The following PCM1 variants were observed in gnomAD, a reference collection of about 807,000 sequenced individuals.
PCM1 encodes pericentriolar material 1, also known as pericentriolar material 1 protein.
PCM1 carries 157 observed loss-of-function variants against 241.9 expected under a neutral mutation model. That is an observed-to-expected ratio of 0.65 (90% CI 0.57 to 0.74). PCM1 has a LOEUF of 0.74. PCM1 is among the 30% of genes least tolerant of loss of function. The pLI is 0.00. For synonymous variants in PCM1, 1,085 were observed against 784.9 expected (o/e 1.38, Z -6.39); for missense variants, 3,478 against 2,360.1 (o/e 1.47, Z -9.81).
In PCM1 at chr8:18,005,449, A is replaced by C. The variant is rs563970410; in HGVS notation, c.4828-814A>C. ...GGGGACCTTGAACATCTAGTTTGGC[A>C]CCCTCATTTTATAGATATGTATTGG... On this transcript the variant is annotated intron_variant, in intron 29 of 38. Coordinates refer to ENST00000325083, the MANE Select transcript of PCM1 (RefSeq NM_006197.4). Among the ~76,000 whole-genome samples, 3 of 150,952 alleles carry C rather than the reference A, an allele frequency of 2.0e-5. No homozygotes were observed. The East Asian group carries it at 5.9e-4, about 29-fold the overall frequency.
intron 2 of PCM1, among the ~76,000 whole-genome samples, chr8:17,928,929 A>C (rs1272983117): frequency 6.6e-6 from 1 of 151,992 alleles, no homozygotes; most frequent in Non-Finnish European, 1.5e-5. Flanking sequence ...ACCGCACCCG[A>C]CCAGTATCTC....
Position 17,960,464 on chromosome 8 carries a change from C to T in PCM1, c.2322+20C>T, listed in dbSNP as rs758566798. ...TTACAGGTAATTATGAAATTTATTT[C>T]TAATTGTCTGAAAAAAGATGTTTAA... On this transcript the variant is annotated intron_variant, in intron 15 of 38. Transcript: ENST00000325083. 1.3e-6 allele frequency: 2 copies of T among 1,553,336 alleles called. No homozygotes were observed. The highest frequency in any genetic ancestry group is 2.3e-5 in the East Asian group (1 of 42,940).
intron 2 of PCM1, chr8:17,927,174 T>C (rs2057328695): frequency 2.7e-5 from 4 of 150,252 alleles, no homozygotes; most frequent in South Asian, 2.1e-4. Context: ...TTGTCCAGGC[T>C]GGAGTGCAGT....
At chr8:17,961,650 A>T (rs2072208869) in intron 15 of PCM1, among the ~76,000 whole-genome samples, 1 of 152,164 alleles carries the variant, frequency 6.6e-6, no homozygotes, top group South Asian at 2.1e-4. Flanking sequence ...GTGTTTTCAA[A>T]GAAAGGAAAA....
intron 6 of PCM1, among the ~76,000 whole-genome samples, chr8:17,941,267 G>C (rs1457284463): frequency 6.6e-6 from 1 of 152,138 alleles, no homozygotes; most frequent in Non-Finnish European, 1.5e-5. Flanking sequence ...GGAGGAGTGG[G>C]AACTTGTATA....
chr8:17,998,398 C>CT (rs2087804973), intron 29 of PCM1, among the ~76,000 whole-genome samples: 1 of 152,122 alleles, frequency 6.6e-6, no homozygotes, highest in Non-Finnish European at 1.5e-5. Flanking sequence ...AAACACTGTG[C>CT]TTTTTGCAGA....
rs749750019 is a variant in PCM1, at chr8:17,952,914, A to G, written c.1072-56A>G. The G allele has an allele frequency of 4.6e-5, 46 of 999,398 alleles. 1 individual carries two copies. Among genetic ancestry groups the G allele is most frequent in the Non-Finnish European group, 6.1e-5 (42 of 687,616 alleles). The allele number at this position is 999,398 out of a possible 1,614,324, so 61.9% of individuals were successfully genotyped here. On this transcript the variant is annotated intron_variant, in intron 8 of 38. Coordinates refer to ENST00000325083, the MANE Select transcript of PCM1 (RefSeq NM_006197.4). ...ATATTTATGCATTTAAAAAATGAGA[A>G]TGCATTTAATTGCGTTAGTCTTAAT...
intron 8 of PCM1, among the ~76,000 whole-genome samples, chr8:17,951,618 A>G (rs921606929): frequency 1.3e-5 from 2 of 152,222 alleles, no homozygotes; most frequent in Admixed American, 1.3e-4. Flanking sequence ...TTCAAGTTTA[A>G]GAAGGATCCC....
chr8:17,937,477 G>T, intron 4 of PCM1, 98 bp downstream of exon 4: 1 of 1,157,694 alleles, frequency 8.6e-7, no homozygotes, highest in East Asian at 2.7e-5. Flanking sequence ...AGCTGTTTAT[G>T]TAATTTTTAA....
chr8:17,944,017 A>C (rs556623774), intron 6 of PCM1, among the ~76,000 whole-genome samples: 1 of 152,322 alleles, frequency 6.6e-6, no homozygotes, highest in South Asian at 2.1e-4. Flanking sequence ...AGATGTCAGA[A>C]GAAGGCAAAA....
intron 13 of PCM1, among the ~76,000 whole-genome samples, chr8:17,958,539 A>T (rs2069873749): frequency 6.6e-6 from 1 of 152,144 alleles, no homozygotes; most frequent in East Asian, 1.9e-4. Flanking sequence ...TAATTGTATT[A>T]CCGTGTAACT....
At chr8:17,953,284 C>G (rs866356756) in intron 9 of PCM1, 98 bp downstream of exon 9, 1 of 574,340 alleles carries the variant, frequency 1.7e-6, no homozygotes, top group African/African-American at 1.9e-5. Context: ...CACATAGCTC[C>G]TCAAAAATAT....
intron 10 of PCM1, 70 bp from the exon 11 acceptor site, chr8:17,956,534 A>C: frequency 2.1e-6 from 2 of 941,282 alleles, no homozygotes; most frequent in Non-Finnish European, 3.2e-6. Flanking sequence ...CTGCTATGAT[A>C]TGAAAATAAT....
chr8:17,938,366 C>T (rs1007384190), intron 4 of PCM1, among the ~76,000 whole-genome samples: 11 of 152,154 alleles, frequency 7.2e-5, no homozygotes, highest in African/African-American at 2.6e-4. Flanking sequence ...GTTTAGACTC[C>T]GGTCTCTTTC....
chr8:17,972,365 T>A lies in PCM1; in HGVS notation c.3621T>A (p.Ser1207Arg), dbSNP rs763775209. ...KKLPEEEVES[S>R]RTPWLYEQEG... ...TGCCTGAAGAGGAGGTGGAAAGCAG[T>A]AGGACACCATGGTTATATGAACAAG... is the stretch of plus-strand genomic sequence containing the variant. Residue 1207 changes from serine to arginine, a missense_variant, in exon 23 of 39, where the codon AGT becomes AGA. Physicochemically the swap from Ser to Arg is moderately radical, Grantham distance 110. Coordinates refer to ENST00000325083, the MANE Select transcript of PCM1 (RefSeq NM_006197.4). 1 of 1,560,268 alleles carries A rather than the reference T, an allele frequency of 6.4e-7. No individual in the cohort carries two copies. The highest frequency in any genetic ancestry group is 8.7e-7 in the Non-Finnish European group (1 of 1,153,204).
chr8:17,979,343 G>A (rs1362364377), intron 23 of PCM1, among the ~76,000 whole-genome samples: 1 of 152,184 alleles, frequency 6.6e-6, no homozygotes, highest in Non-Finnish European at 1.5e-5. Context: ...GAAAAGGAAG[G>A]AAGCAAGTTT....
At chr8:17,969,798 T>C (rs775326176) in intron 22 of PCM1, 50 bp downstream of exon 22, 1 of 1,332,890 alleles carries the variant, frequency 7.5e-7, no homozygotes, top group Non-Finnish European at 1.1e-6. Context: ...CTTTTGTGAT[T>C]ACATCTAATT....
intron 23 of PCM1, among the ~76,000 whole-genome samples, chr8:17,976,480 G>A (rs1401885014): frequency 6.6e-6 from 1 of 152,176 alleles, no homozygotes; most frequent in Admixed American, 6.5e-5. Context: ...GCATCCTGGG[G>A]CAAGAGAGAG....
rs761963855 is a variant in PCM1, at chr8:17,938,910, TAA to T, written c.515_516del (p.Lys172ArgfsTer9). On this transcript the variant is annotated frameshift_variant, in exon 5 of 39. Coordinates refer to ENST00000325083, the MANE Select transcript of PCM1 (RefSeq NM_006197.4). LOFTEE classifies it high-confidence loss of function. ...NRETIGSAQC[K>X]ELFASALSND... ...GAGAAACGATTGGATCAGCACAGTG[TAA>T]AGAGTTGTTTGCTTCTGCTTTAAGT... 1 of 1,613,746 alleles carries T rather than the reference TAA, an allele frequency of 6.2e-7. No homozygotes were observed. The highest frequency in any genetic ancestry group is 1.1e-5 in the South Asian group (1 of 91,086).
Sources: gnomAD v4.1 joint callset for allele counts (sites outside exome capture counted in the v4.1 genomes callset) on GRCh38, gnomAD v4.1.1 for gene constraint, MANE v1.5 for transcripts, NCBI Gene and HGNC (gene_info 2026-07-23, HGNC 2026-07-21) for gene names.